Variants in DPP10 observed in about 807,000 individuals in gnomAD.
DPP10 encodes the protein inactive dipeptidyl peptidase 10.
A neutral mutation model predicts 120.9 loss-of-function variants in DPP10; 33 were observed. The observed-to-expected ratio is 0.27, with a 90% confidence interval of 0.21 to 0.37. DPP10 has a LOEUF of 0.37. Among genes scored for constraint, DPP10 ranks in the 10% least tolerant of loss-of-function variants. The probability of loss-of-function intolerance (pLI) is 1.00; values close to 1 mark genes in which losing one functional copy is unlikely to be tolerated. For missense variants in DPP10, 816 were observed against 942.8 expected, an observed-to-expected ratio of 0.87 and a Z score of 1.76; for synonymous variants, 337 against 326.1, an observed-to-expected ratio of 1.03 and a Z score of -0.36.
chr2:114,531,603 T>G (rs950504849), intron 1 of DPP10, among the ~76,000 whole-genome samples: 1 of 126,148 alleles, frequency 7.9e-6, no homozygotes, highest in Non-Finnish European at 1.8e-5. Flanking sequence ...AATGAATACA[T>G]ATATATATAT....
At chr2:114,946,901 C>A (rs569599449) in intron 1 of DPP10, among the ~76,000 whole-genome samples, 4 of 151,880 alleles carry the variant, frequency 2.6e-5, no homozygotes, top group Non-Finnish European at 4.4e-5. Context: ...ATTTTTCCAA[C>A]GAAGACATGA....
chr2:115,423,179 T>C (rs182514248), intron 3 of DPP10, among the ~76,000 whole-genome samples: 2 of 152,246 alleles, frequency 1.3e-5, no homozygotes, highest in East Asian at 1.9e-4. Context: ...AATATAAATG[T>C]TAACTTTTCA....
At chr2:115,832,762 C>T (rs762098309) in intron 21 of DPP10, among the ~76,000 whole-genome samples, 138 of 151,990 alleles carry the variant, frequency 9.1e-4, no homozygotes, top group Admixed American at 1.6e-3. Context: ...TGCCCATTCT[C>T]CACAGATTGT....
chr2:115,490,282 C>A (rs868775597), intron 3 of DPP10, among the ~76,000 whole-genome samples: 8 of 152,152 alleles, frequency 5.3e-5, no homozygotes, highest in Non-Finnish European at 1.2e-4. Context: ...CTTCACAGGG[C>A]AGCAGGAGAG....
chr2:115,161,888 G>C, intron 1 of DPP10: 1 of 1,350,744 alleles, frequency 7.4e-7, no homozygotes, highest in African/African-American at 1.6e-5. Context: ...ACCTGCGAAC[G>C]CTGCCAAGTG....
chr2:114,894,894 AAGAAAAAATTAAATAG>A (rs1692839329), intron 1 of DPP10, among the ~76,000 whole-genome samples: 1 of 152,188 alleles, frequency 6.6e-6, no homozygotes, highest in African/African-American at 2.4e-5. Context: ...AGCTTATGAG[AAGAAAAAATTAAATAG>A]AGAAAAGGAA....
chr2:115,603,494 C>G (rs1013799126), intron 5 of DPP10, among the ~76,000 whole-genome samples: 2 of 149,292 alleles, frequency 1.3e-5, no homozygotes, highest in Admixed American at 1.3e-4. Flanking sequence ...CCTGGTGTAA[C>G]GTTTGGGCAT....
chr2:114,972,384 G>T (rs1255784274), intron 1 of DPP10, among the ~76,000 whole-genome samples: 1 of 152,176 alleles, frequency 6.6e-6, no homozygotes, highest in Non-Finnish European at 1.5e-5. Flanking sequence ...GCACACAATT[G>T]ATTATTGTAT....
intron 1 of DPP10, among the ~76,000 whole-genome samples, chr2:114,625,958 T>C (rs1694475744): frequency 6.6e-6 from 1 of 151,860 alleles, no homozygotes; most frequent in Admixed American, 6.6e-5. Context: ...GGTTGTTCAT[T>C]ATTTCTAGGT....
chr2:114,615,503 T>C (rs17715688), intron 1 of DPP10, among the ~76,000 whole-genome samples: 1 of 152,034 alleles, frequency 6.6e-6, no homozygotes, highest in Non-Finnish European at 1.5e-5. Context: ...AGTCCTCAAC[T>C]CATCACTAAT....
chr2:115,163,479 C>G (rs1214380356), intron 1 of DPP10, among the ~76,000 whole-genome samples: 1 of 152,170 alleles, frequency 6.6e-6, no homozygotes, highest in Non-Finnish European at 1.5e-5. Context: ...TTAAACGATC[C>G]TGTTTGATCC....
chr2:115,395,808 T>A (rs1472938194), intron 3 of DPP10, among the ~76,000 whole-genome samples: 2 of 151,966 alleles, frequency 1.3e-5, no homozygotes, highest in Non-Finnish European at 2.9e-5. Context: ...TGTCTCCCCA[T>A]CTAGTTTGCA....
chr2:115,250,939 G>A (rs572563842), intron 1 of DPP10, among the ~76,000 whole-genome samples: 7 of 152,278 alleles, frequency 4.6e-5, no homozygotes, highest in Admixed American at 1.3e-4. Context: ...GTTCAGAAGT[G>A]GAGGCTTCCT....
At chr2:114,586,641 T>G (rs1691002955) in intron 1 of DPP10, among the ~76,000 whole-genome samples, 1 of 152,230 alleles carries the variant, frequency 6.6e-6, no homozygotes. Context: ...TACGGTTTGT[T>G]TGGCCCCACT....
intron 1 of DPP10, among the ~76,000 whole-genome samples, chr2:114,548,269 C>T (rs1339746544): frequency 6.6e-6 from 1 of 152,154 alleles, no homozygotes; most frequent in Non-Finnish European, 1.5e-5. Flanking sequence ...AAAGAAAGTT[C>T]TGCGGCATTC....
intron 1 of DPP10, among the ~76,000 whole-genome samples, chr2:114,781,476 A>G (rs1682317934): frequency 6.6e-6 from 1 of 151,860 alleles, no homozygotes; most frequent in African/African-American, 2.4e-5. Context: ...GGGCACAGAT[A>G]GATCCATTAT....
chr2:114,571,560 A>AT (rs558837819), intron 1 of DPP10, among the ~76,000 whole-genome samples: 124 of 152,266 alleles, frequency 8.1e-4, no homozygotes, highest in African/African-American at 2.9e-3. Context: ...CTCTCATGAT[A>AT]TGCCACTTCA....
intron 5 of DPP10, among the ~76,000 whole-genome samples, chr2:115,618,490 C>T (rs1202079105): frequency 6.6e-6 from 1 of 152,134 alleles, no homozygotes; most frequent in Non-Finnish European, 1.5e-5. Context: ...GAGGAGTGAA[C>T]AATTTGGCAC....
rs565099882 is a variant in DPP10 at position 114,752,645 on chromosome 2, T to C, written c.60+309807T>C. 2.0e-3 allele frequency among the ~76,000 whole-genome samples: 298 copies of C among 152,268 alleles called. 2 individuals are homozygous for C. Among genetic ancestry groups the C allele is most frequent in the African/African-American group, 6.8e-3 (282 of 41,560 alleles). Reference sequence around the variant, plus strand: ...TCACACTTGTGCAGGCATCAGACTGTCCTGCAGGGCTGTTAAAATGACTCT... The same window carrying C: ...TCACACTTGTGCAGGCATCAGACTGCCCTGCAGGGCTGTTAAAATGACTCT... On this transcript the variant is annotated intron_variant, in intron 1 of 25. Coordinates refer to ENST00000410059, the MANE Select transcript of DPP10 (RefSeq NM_020868.6).
Sources: allele counts gnomAD v4.1 joint callset (sites outside exome capture counted in the v4.1 genomes callset), GRCh38; gene constraint gnomAD v4.1.1; transcripts MANE v1.5; gene names NCBI Gene and HGNC (gene_info 2026-07-23, HGNC 2026-07-21).